Variants in XKR5 observed in about 807,000 individuals in gnomAD.
The protein encoded by XKR5 is XK-related protein 5.
A neutral mutation model predicts 40.8 loss-of-function variants in XKR5; 46 were observed. That is an observed-to-expected ratio of 1.13 (90% CI 0.89 to 1.44). XKR5 has a LOEUF of 1.44. Ranked by LOEUF, XKR5 falls within the 40% of genes most tolerant of loss-of-function variation. The pLI, the probability that XKR5 is intolerant of heterozygous loss-of-function variation, is 0.00. For synonymous variants in XKR5, 466 were observed against 356.1 expected (o/e 1.31, Z -3.48); for missense variants, 1,169 against 844.7 (o/e 1.38, Z -4.76).
intron 5 of XKR5, among the ~76,000 whole-genome samples, chr8:6,817,908 C>T (rs185749728): frequency 2.6e-5 from 4 of 152,290 alleles, no homozygotes; most frequent in South Asian, 4.1e-4. Flanking sequence ...TGACAAGCGC[C>T]AATGAACAAA....
In XKR5 at chr8:6,811,831, T is replaced by C; in HGVS notation, c.1428A>G (p.Lys476=). 6.5e-7 allele frequency: 1 copy of C among 1,537,656 alleles called. No homozygotes were observed. Among genetic ancestry groups the C allele is most frequent in the Non-Finnish European group, 8.7e-7 (1 of 1,147,002 alleles). ...ENSSAFEGVP[K]AEADPLETSS... ...AGGTTTCCAATGGGTCGGCCTCTGC[T>C]TTAGGGACACCTTCAAACGCAGAGC... Residue 476 remains lysine, a synonymous_variant, in exon 7 of 7, where the codon AAA becomes AAG. Transcript: ENST00000618742.
intron 6 of XKR5, among the ~76,000 whole-genome samples, chr8:6,815,099 T>C (rs556782383): frequency 6.6e-6 from 1 of 152,280 alleles, no homozygotes; most frequent in East Asian, 1.9e-4. Context: ...GGTGCTGGCT[T>C]TGACGGTCCC....
At chr8:6,830,233 A>T (rs1804699706) in intron 2 of XKR5, among the ~76,000 whole-genome samples, 1 of 152,210 alleles carries the variant, frequency 6.6e-6, no homozygotes, top group African/African-American at 2.4e-5. Context: ...AAAGTGACCT[A>T]TTCTTAGGCA....
chr8:6,835,352 G>C (rs114708970), intron 1 of XKR5, 84 bp downstream of exon 1: 3 of 1,307,562 alleles, frequency 2.3e-6, no homozygotes, highest in Non-Finnish European at 3.0e-6. Flanking sequence ...GCCCGCCCGG[G>C]CATAGGCAGC....
At chr8:6,819,930 C>G (rs1159987729) in intron 5 of XKR5, among the ~76,000 whole-genome samples, 1 of 148,910 alleles carries the variant, frequency 6.7e-6, no homozygotes. Context: ...CCCCCGATGT[C>G]TGTTTCATTT....
intron 6 of XKR5, among the ~76,000 whole-genome samples, chr8:6,813,572 A>G (rs975139624): frequency 1.3e-5 from 2 of 152,174 alleles, no homozygotes; most frequent in Admixed American, 6.5e-5. Context: ...TCCTTGGACT[A>G]CAATTTGGGT....
In XKR5 at chr8:6,828,267, G is replaced by A. The variant is rs541775224; in HGVS notation, c.243-2918C>T. 2.8e-4 allele frequency among the ~76,000 whole-genome samples: 43 copies of A among 152,262 alleles called. 1 individual carries two copies. Among genetic ancestry groups the A allele is most frequent in the Admixed American group, 7.8e-4 (12 of 15,296 alleles). On this transcript the variant is annotated intron_variant, in intron 2 of 6. Coordinates refer to ENST00000618742, the MANE Select transcript of XKR5 (RefSeq NM_207411.5). ...GGTCAGGGAATGCTTCCTGGAAGAG[G>A]AGGACAGGCAAACTCTGGACAGGTA...
intron 2 of XKR5, among the ~76,000 whole-genome samples, chr8:6,831,922 G>C (rs1410971602): frequency 6.6e-6 from 1 of 150,770 alleles, no homozygotes; most frequent in African/African-American, 2.5e-5. Flanking sequence ...GGCTGAAGCA[G>C]GAGAATCGCT....
At chr8:6,834,622 C>G (rs1201484776) in intron 1 of XKR5, among the ~76,000 whole-genome samples, 1 of 151,854 alleles carries the variant, frequency 6.6e-6, no homozygotes, top group Non-Finnish European at 1.5e-5. Context: ...CCTGCGGGGA[C>G]GCCCGCGAAC....
intron 5 of XKR5, among the ~76,000 whole-genome samples, chr8:6,819,565 G>A (rs1016214551): frequency 3.9e-5 from 6 of 152,216 alleles, no homozygotes; most frequent in African/African-American, 1.2e-4. Context: ...CACGGAGCCA[G>A]GGCTGCCCAG....
At chr8:6,833,321 C>G (rs972230039) in intron 1 of XKR5, among the ~76,000 whole-genome samples, 5 of 152,262 alleles carry the variant, frequency 3.3e-5, no homozygotes, top group African/African-American at 1.2e-4. Flanking sequence ...TTCCTGTCTC[C>G]TGCCTCCTGA....
intron 1 of XKR5, among the ~76,000 whole-genome samples, chr8:6,834,206 C>A (rs769724908): frequency 6.6e-6 from 1 of 152,224 alleles, no homozygotes; most frequent in Non-Finnish European, 1.5e-5. Context: ...TCGTTTCACA[C>A]AACTGTTACT....
chr8:6,828,861 G>A (rs1285787876), intron 2 of XKR5, among the ~76,000 whole-genome samples: 1 of 152,108 alleles, frequency 6.6e-6, no homozygotes, highest in Admixed American at 6.6e-5. Context: ...TTTCTTCATG[G>A]TCCAGCCCAT....
chr8:6,812,807 A>G (rs2117077537), intron 6 of XKR5, among the ~76,000 whole-genome samples: 1 of 152,358 alleles, frequency 6.6e-6, no homozygotes, highest in Non-Finnish European at 1.5e-5. Context: ...AAATAACCTC[A>G]AAAACAAGTA....
At chr8:6,825,143 C>G (rs753535655) in intron 3 of XKR5, 22 bp downstream of exon 3, 1 of 1,612,912 alleles carries the variant, frequency 6.2e-7, no homozygotes, top group Non-Finnish European at 8.5e-7. Context: ...ACAGTCTGTG[C>G]TCTGTGGTGA....
chr8:6,827,765 T>C (rs1302830946), intron 2 of XKR5, among the ~76,000 whole-genome samples: 1 of 152,128 alleles, frequency 6.6e-6, no homozygotes, highest in Non-Finnish European at 1.5e-5. Context: ...TCTTGGGCTT[T>C]GAGAGGCCCA....
chr8:6,817,778 G>A (rs933659438), intron 5 of XKR5, among the ~76,000 whole-genome samples: 1 of 152,148 alleles, frequency 6.6e-6, no homozygotes, highest in Admixed American at 6.5e-5. Flanking sequence ...GTCTCCTCAA[G>A]TACCCAAGAG....
At chr8:6,831,899 C>T (rs144160781) in intron 2 of XKR5, among the ~76,000 whole-genome samples, 87 of 151,764 alleles carry the variant, frequency 5.7e-4, no homozygotes, top group South Asian at 1.7e-3. Flanking sequence ...CCTGTAGTCC[C>T]GCCTACTCAA....
rs768178484 is a variant in XKR5 at position 6,811,822 on chromosome 8, G to A, written c.1437C>T (p.Ala479=). 6.5e-6 allele frequency: 10 copies of A among 1,537,494 alleles called. No homozygotes were observed. The highest frequency in any genetic ancestry group is 1.4e-5 in the African/African-American group (1 of 73,034). The change falls in exon 7 of 7, where the codon GCC becomes GCT. Residue 479 remains alanine (A), a synonymous_variant. Coordinates refer to ENST00000618742, the MANE Select transcript of XKR5 (RefSeq NM_207411.5). ...CGTAACTTGAGGTTTCCAATGGGTC[G>A]GCCTCTGCTTTAGGGACACCTTCAA... ...SAFEGVPKAE[A]DPLETSSYVS...
Sources: gnomAD v4.1 joint callset for allele counts (sites outside exome capture counted in the v4.1 genomes callset) on GRCh38, gnomAD v4.1.1 for gene constraint, MANE v1.5 for transcripts, NCBI Gene and HGNC (gene_info 2026-07-23, HGNC 2026-07-21) for gene names.